The following PVT1 variants were observed in gnomAD, a reference collection of about 807,000 sequenced individuals.
PVT1 encodes the protein Pvt1 oncogene, also known as CXCR4/PVT1 fusion.
intron 2 of PVT1, among the ~76,000 whole-genome samples, chr8:127,817,534 TA>T (rs1297468521): frequency 1.3e-4 from 12 of 89,580 alleles, no homozygotes; most frequent in Non-Finnish European, 2.7e-4. Context: ...TTTAAATATA[TA>T]TATATATATA....
intron 3 of PVT1, among the ~76,000 whole-genome samples, chr8:127,978,683 A>G (rs1292010901): frequency 6.6e-6 from 1 of 152,060 alleles, no homozygotes; most frequent in Admixed American, 6.6e-5. Context: ...ATGAGGTTTC[A>G]CCATATTGTC....
At chr8:127,891,813 T>C (rs1432744047) in intron 3 of PVT1, among the ~76,000 whole-genome samples, 1 of 152,128 alleles carries the variant, frequency 6.6e-6, no homozygotes. Flanking sequence ...CTGCAGCCCA[T>C]GGGAAGGCAG....
intron 2 of PVT1, among the ~76,000 whole-genome samples, chr8:127,869,411 G>A (rs940679167): frequency 6.6e-6 from 1 of 152,160 alleles, no homozygotes; most frequent in Non-Finnish European, 1.5e-5. Flanking sequence ...GATTACAGGT[G>A]TGAGCCACCA....
intron 4 of PVT1, among the ~76,000 whole-genome samples, chr8:128,049,407 T>C (rs1012572823): frequency 6.6e-6 from 1 of 152,206 alleles, no homozygotes; most frequent in Non-Finnish European, 1.5e-5. Context: ...TGCCCTTCTC[T>C]TGAGAGGCAG....
At chr8:127,947,469 T>C (rs1816435820) in intron 3 of PVT1, 2 of 321,538 alleles carry the variant, frequency 6.2e-6, no homozygotes, top group Middle Eastern at 1.1e-3. Context: ...TTTTTTGGCA[T>C]TCCCTCTGTC....
chr8:127,895,902 T>C (rs550717873), intron 3 of PVT1, among the ~76,000 whole-genome samples: 1 of 152,242 alleles, frequency 6.6e-6, no homozygotes, highest in Admixed American at 6.5e-5. Flanking sequence ...TGTAAATGAG[T>C]GGGTGTGGCT....
chr8:128,015,193 G>A (rs191934215), intron 4 of PVT1, among the ~76,000 whole-genome samples: 36 of 152,080 alleles, frequency 2.4e-4, no homozygotes, highest in Admixed American at 1.4e-3. Context: ...GGGTTCAAGC[G>A]ATTCTCGTGC....
At chr8:127,868,787 A>ATACGTATATATATATG (rs1554593027) in intron 2 of PVT1, among the ~76,000 whole-genome samples, 10 of 75,136 alleles carry the variant, frequency 1.3e-4, no homozygotes, top group African/African-American at 7.3e-4. Context: ...ATATATATAT[A>ATACGTATATATATATG]TATATACATA....
chr8:127,938,258 A>T (rs1473250917), intron 3 of PVT1, among the ~76,000 whole-genome samples: 1 of 152,186 alleles, frequency 6.6e-6, no homozygotes, highest in East Asian at 1.9e-4. Context: ...CGAGATTGAC[A>T]ATCTCAGCAC....
chr8:127,896,098 G>T (rs113221577), intron 3 of PVT1, among the ~76,000 whole-genome samples: 3 of 152,176 alleles, frequency 2.0e-5, no homozygotes, highest in Admixed American at 2.0e-4. Context: ...CAGTATATGC[G>T]CAGTGCTTTC....
intron 5 of PVT1, among the ~76,000 whole-genome samples, chr8:128,071,562 G>A (rs1302664437): frequency 6.6e-6 from 1 of 151,790 alleles, no homozygotes; most frequent in Non-Finnish European, 1.5e-5. Context: ...GCACATGCCT[G>A]TGGTCCCAGC....
intron 4 of PVT1, among the ~76,000 whole-genome samples, chr8:128,026,508 C>G (rs1057385251): frequency 6.6e-6 from 1 of 152,076 alleles, no homozygotes; most frequent in Non-Finnish European, 1.5e-5. Context: ...TATCTTTCCC[C>G]AAGCCCCACG....
chr8:128,007,468 T>C (rs773508725), intron 4 of PVT1, among the ~76,000 whole-genome samples: 1 of 152,010 alleles, frequency 6.6e-6, no homozygotes, highest in Non-Finnish European at 1.5e-5. Flanking sequence ...GATAGATTTA[T>C]ATGTACTAAT....
intron 2 of PVT1, among the ~76,000 whole-genome samples, chr8:127,833,205 C>T (rs528621727): frequency 1.3e-5 from 2 of 152,174 alleles, no homozygotes; most frequent in African/African-American, 2.4e-5. Context: ...TTGAGGGATT[C>T]GGTGAGATTC....
At chr8:128,021,442 C>T (rs530203098) in intron 4 of PVT1, among the ~76,000 whole-genome samples, 328 of 152,004 alleles carry the variant, frequency 2.2e-3, no homozygotes, top group African/African-American at 7.4e-3. Flanking sequence ...CACAGGCGCC[C>T]GCCACCATGC....
chr8:127,915,376 G>A (rs577303225), intron 3 of PVT1, among the ~76,000 whole-genome samples: 3 of 151,704 alleles, frequency 2.0e-5, no homozygotes, highest in South Asian at 2.1e-4. Flanking sequence ...TTGGGAGGCC[G>A]AGGCGGGCGG....
intron 3 of PVT1, among the ~76,000 whole-genome samples, chr8:127,906,906 G>T (rs1815829301): frequency 6.6e-6 from 1 of 151,326 alleles, no homozygotes; most frequent in Admixed American, 6.6e-5. Context: ...GAGACACCCA[G>T]CCATTAAGGA....
intron 3 of PVT1, among the ~76,000 whole-genome samples, chr8:127,923,557 A>G (rs777205954): frequency 7.2e-5 from 11 of 152,168 alleles, no homozygotes; most frequent in African/African-American, 2.4e-4. Flanking sequence ...AGGATCTTCT[A>G]TTGGCAGAGG....
chr8:127,981,784 C>T (rs1287109216), intron 3 of PVT1, among the ~76,000 whole-genome samples: 3 of 152,210 alleles, frequency 2.0e-5, no homozygotes, highest in African/African-American at 7.2e-5. Flanking sequence ...TCTGTTTCTA[C>T]GGTGAGATTT....
Sources: gnomAD v4.1 joint callset for allele counts (sites outside exome capture counted in the v4.1 genomes callset) on GRCh38, gnomAD v4.1.1 for gene constraint, MANE v1.5 for transcripts, NCBI Gene and HGNC (gene_info 2026-07-23, HGNC 2026-07-21) for gene names.